The following MCTP1 variants were observed in gnomAD, a reference collection of about 807,000 sequenced individuals.
The protein encoded by MCTP1 is multiple C2 and transmembrane domain containing 1.
A neutral mutation model predicts 120.6 loss-of-function variants in MCTP1; 69 were observed. The ratio of observed to expected loss-of-function variants is 0.57; its 90% CI spans 0.47 to 0.70. MCTP1 has a LOEUF of 0.70. MCTP1 is among the 30% of genes least tolerant of loss of function. MCTP1 has a pLI of 0.00. For synonymous variants in MCTP1, 529 were observed against 493.1 expected, an observed-to-expected ratio of 1.07 and a Z score of -0.96; for missense variants, 1,203 against 1,248.8, an observed-to-expected ratio of 0.96 and a Z score of 0.55.
In MCTP1 at chr5:95,136,579, G is replaced by A. The variant is rs552458521; in HGVS notation, c.721-119095C>T. 3.9e-5 allele frequency among the ~76,000 whole-genome samples: 6 copies of A among 152,258 alleles called. No homozygotes were observed. In the East Asian group the frequency reaches 5.8e-4, roughly 15 times the overall value. On this transcript the variant is annotated intron_variant, in intron 1 of 22. Transcript: ENST00000515393. ...AGTGGGGAAGGGAGGAAATCTTTGCGGAAGGAAGTCAAGAAGAGAGAAGAG... is the reference window on the plus strand; with the variant it reads ...AGTGGGGAAGGGAGGAAATCTTTGCAGAAGGAAGTCAAGAAGAGAGAAGAG...
At chr5:95,045,653 T>C (rs1452489686) in intron 1 of MCTP1, among the ~76,000 whole-genome samples, 1 of 152,176 alleles carries the variant, frequency 6.6e-6, no homozygotes, top group African/African-American at 2.4e-5. Flanking sequence ...TCAGTGGTTA[T>C]GTGTGAGCCA....
At chr5:94,975,607 G>T (rs1827925989) in intron 2 of MCTP1, among the ~76,000 whole-genome samples, 1 of 151,732 alleles carries the variant, frequency 6.6e-6, no homozygotes, top group African/African-American at 2.4e-5. Flanking sequence ...AGCAAAGATG[G>T]CATATCATAC....
intron 1 of MCTP1, among the ~76,000 whole-genome samples, chr5:95,112,664 C>T (rs747399643): frequency 6.6e-6 from 1 of 152,090 alleles, no homozygotes; most frequent in Non-Finnish European, 1.5e-5. Context: ...TTACTTATTA[C>T]ACCATTAAGA....
At chr5:94,875,337 T>C (rs1798605243) in intron 12 of MCTP1, among the ~76,000 whole-genome samples, 1 of 152,018 alleles carries the variant, frequency 6.6e-6, no homozygotes, top group Admixed American at 6.6e-5. Context: ...TTTCCAGGAA[T>C]ATCCAGGAAG....
At chr5:95,216,062 T>C (rs138347156) in intron 1 of MCTP1, among the ~76,000 whole-genome samples, 104 of 152,342 alleles carry the variant, frequency 6.8e-4, no homozygotes, top group African/African-American at 2.4e-3. Flanking sequence ...TCTTTGATGT[T>C]GAAATATTTG....
chr5:95,018,648 A>G (rs1229630993), intron 1 of MCTP1, among the ~76,000 whole-genome samples: 1 of 151,892 alleles, frequency 6.6e-6, no homozygotes, highest in African/African-American at 2.4e-5. Flanking sequence ...AATTCACTCC[A>G]CCTTCTCATG....
chr5:95,032,551 G>A (rs1203548466), intron 1 of MCTP1, among the ~76,000 whole-genome samples: 1 of 151,976 alleles, frequency 6.6e-6, no homozygotes, highest in Non-Finnish European at 1.5e-5. Context: ...TAAAAATAGA[G>A]AGAAAACATA....
intron 1 of MCTP1, among the ~76,000 whole-genome samples, chr5:95,107,914 C>A: frequency 6.6e-6 from 1 of 152,204 alleles, no homozygotes; most frequent in Non-Finnish European, 1.5e-5. Flanking sequence ...CATAGGTAAA[C>A]GTCTGCCATG....
chr5:95,235,478 G>C (rs1279352183), intron 1 of MCTP1, among the ~76,000 whole-genome samples: 1 of 151,028 alleles, frequency 6.6e-6, no homozygotes, highest in South Asian at 2.1e-4. Flanking sequence ...GAAAGAAAAA[G>C]AAATAAAAGG....
At chr5:95,147,828 A>G (rs925466973) in intron 1 of MCTP1, among the ~76,000 whole-genome samples, 1 of 152,190 alleles carries the variant, frequency 6.6e-6, no homozygotes, top group East Asian at 1.9e-4. Context: ...TTTTTGTGGT[A>G]GCAAGTATCA....
intron 1 of MCTP1, among the ~76,000 whole-genome samples, chr5:95,140,761 TC>T (rs1219846411): frequency 7.6e-6 from 1 of 131,106 alleles, no homozygotes; most frequent in Non-Finnish European, 1.6e-5. Flanking sequence ...GCACCTGCAG[TC>T]CCAGCTACTC....
chr5:95,163,448 T>G (rs1193559819), intron 1 of MCTP1, among the ~76,000 whole-genome samples: 4 of 152,242 alleles, frequency 2.6e-5, no homozygotes, highest in Non-Finnish European at 4.4e-5. Context: ...AATGTTCTTT[T>G]GGTTCATTCT....
At chr5:94,771,334 T>C (rs974729549) in intron 19 of MCTP1, among the ~76,000 whole-genome samples, 2 of 152,212 alleles carry the variant, frequency 1.3e-5, no homozygotes, top group Non-Finnish European at 2.9e-5. Context: ...CTTCAGATTC[T>C]CAGAGTCTGT....
intron 1 of MCTP1, among the ~76,000 whole-genome samples, chr5:95,175,237 GCTC>G (rs1238946753): frequency 3.9e-5 from 6 of 152,198 alleles, no homozygotes; most frequent in African/African-American, 1.4e-4. Context: ...TATGTCTCCA[GCTC>G]CTAATGCCTT....
chr5:95,074,994 T>C (rs191753364), intron 1 of MCTP1, among the ~76,000 whole-genome samples: 1 of 152,232 alleles, frequency 6.6e-6, no homozygotes, highest in African/African-American at 2.4e-5. Flanking sequence ...TTTGGAAAAG[T>C]CATTTAATTT....
chr5:95,084,085 C>T (rs1019270374), intron 1 of MCTP1, among the ~76,000 whole-genome samples: 4 of 151,908 alleles, frequency 2.6e-5, no homozygotes, highest in Non-Finnish European at 5.9e-5. Flanking sequence ...CAACTGTGGA[C>T]ACGTGGTTAG....
intron 12 of MCTP1, chr5:94,877,791 A>C (rs1489615189): frequency 1.3e-5 from 2 of 152,182 alleles, no homozygotes; most frequent in East Asian, 3.9e-4. Flanking sequence ...TTTGAGCATT[A>C]AAGTGACTCA....
intron 1 of MCTP1, among the ~76,000 whole-genome samples, chr5:95,033,277 A>G (rs2151788341): frequency 6.6e-6 from 1 of 152,162 alleles, no homozygotes; most frequent in Non-Finnish European, 1.5e-5. Context: ...AACAACAACA[A>G]TAAAAACTAC....
At chr5:95,162,240 T>G (rs1351269707) in intron 1 of MCTP1, among the ~76,000 whole-genome samples, 1 of 152,340 alleles carries the variant, frequency 6.6e-6, no homozygotes, top group Admixed American at 6.5e-5. Flanking sequence ...CTCATCTACA[T>G]CTACATCTAT....
Sources: allele counts gnomAD v4.1 joint callset (sites outside exome capture counted in the v4.1 genomes callset), GRCh38; gene constraint gnomAD v4.1.1; transcripts MANE v1.5; gene names NCBI Gene and HGNC (gene_info 2026-07-23, HGNC 2026-07-21).